ARHGAP24: variants seen among roughly 807,000 people sequenced by gnomAD.
The protein encoded by ARHGAP24 is rho GTPase-activating protein 24.
Under a neutral mutation model 76.4 loss-of-function variants are expected in ARHGAP24, and 50 were observed. That is an observed-to-expected ratio of 0.65 (90% CI 0.52 to 0.83). The LOEUF (loss-of-function observed/expected upper bound fraction) is 0.83, where lower values mean the gene tolerates loss of function less well. Among genes scored for constraint, ARHGAP24 ranks in the 40% least tolerant of loss-of-function variants. The probability of loss-of-function intolerance (pLI) is 0.00; values close to 1 mark genes in which losing one functional copy is unlikely to be tolerated. For missense variants in ARHGAP24, 930 were observed against 914.2 expected (o/e 1.02, Z -0.22); for synonymous variants, 345 against 323.3 (o/e 1.07, Z -0.72).
At chr4:85,991,806 G>T (rs1275030315) in intron 8 of ARHGAP24, 1 of 208,276 alleles carries the variant, frequency 4.8e-6, no homozygotes, top group Non-Finnish European at 9.5e-6. Flanking sequence ...GTGTCTTACA[G>T]ATATGTTCAA....
chr4:85,907,869 G>A (rs142390156), intron 3 of ARHGAP24, among the ~76,000 whole-genome samples: 9 of 152,236 alleles, frequency 5.9e-5, no homozygotes, highest in African/African-American at 1.4e-4. Flanking sequence ...CTCTAATAGT[G>A]GAGAGTTACT....
chr4:85,619,079 A>G lies in ARHGAP24; in HGVS notation c.180+48358A>G, dbSNP rs565697178. Among the ~76,000 whole-genome samples the G allele has an allele frequency of 7.2e-5, 11 of 152,172 alleles. No individual in the cohort carries two copies. In the South Asian group the frequency reaches 1.4e-3, roughly 20 times the overall value. ...GAGCTTTTCCCCTATGTTTTCTTCTAGTGGTTTTACAGTTTCAGGTCTTGC... is the reference window on the plus strand; with the variant it reads ...GAGCTTTTCCCCTATGTTTTCTTCTGGTGGTTTTACAGTTTCAGGTCTTGC... On this transcript the variant is annotated intron_variant, in intron 2 of 9. Coordinates refer to ENST00000395184, the MANE Select transcript of ARHGAP24 (RefSeq NM_001025616.3).
At chr4:85,705,143 C>T (rs774101175) in intron 2 of ARHGAP24, among the ~76,000 whole-genome samples, 18 of 151,874 alleles carry the variant, frequency 1.2e-4, no homozygotes, top group South Asian at 2.1e-4. Flanking sequence ...TTATGATCTA[C>T]CATTGTCTAT....
intron 2 of ARHGAP24, among the ~76,000 whole-genome samples, chr4:85,696,833 G>A (rs1234444938): frequency 6.6e-6 from 1 of 152,130 alleles, no homozygotes; most frequent in Admixed American, 6.5e-5. Context: ...TTATATGAAA[G>A]GACACCATGC....
intron 1 of ARHGAP24, among the ~76,000 whole-genome samples, chr4:85,483,138 T>C (rs1722881386): frequency 6.6e-6 from 1 of 152,198 alleles, no homozygotes; most frequent in African/African-American, 2.4e-5. Context: ...TGGCACCTGA[T>C]AAATATCAAT....
chr4:85,817,134 ATTAAG>A (rs567337622), intron 3 of ARHGAP24, among the ~76,000 whole-genome samples: 38 of 152,162 alleles, frequency 2.5e-4, no homozygotes, highest in South Asian at 4.1e-4. Context: ...TTTTCTCTTT[ATTAAG>A]TTGAGTCCCT....
At chr4:85,775,873 G>A (rs1727292071) in intron 3 of ARHGAP24, among the ~76,000 whole-genome samples, 1 of 152,124 alleles carries the variant, frequency 6.6e-6, no homozygotes, top group Admixed American at 6.6e-5. Context: ...GTAATCATGG[G>A]AAATTGTTCA....
chr4:85,867,382 A>G (rs1017761674), intron 3 of ARHGAP24, among the ~76,000 whole-genome samples: 1 of 152,196 alleles, frequency 6.6e-6, no homozygotes, highest in African/African-American at 2.4e-5. Flanking sequence ...GTCAAAAGTA[A>G]GAGAACATCA....
chr4:85,921,668 G>A (rs1237679890), intron 3 of ARHGAP24, among the ~76,000 whole-genome samples: 1 of 152,060 alleles, frequency 6.6e-6, no homozygotes, highest in Non-Finnish European at 1.5e-5. Context: ...TGCTTTTTCA[G>A]ATACGAGTTG....
In ARHGAP24 at chr4:85,736,106, A is replaced by G. The variant is rs144532471; in HGVS notation, c.268+14134A>G. On this transcript the variant is annotated intron_variant, in intron 3 of 9. Transcript: ENST00000395184. ...TCCTCCCATCATTCCAAGATTCATA[A>G]GATAACTACTATTCATCTCTCAAAT... 4.2e-3 allele frequency among the ~76,000 whole-genome samples: 644 copies of G among 152,300 alleles called. 5 individuals are homozygous for G. Among genetic ancestry groups the G allele is most frequent in the Non-Finnish European group, 6.5e-3 (441 of 68,018 alleles).
At chr4:85,518,572 C>A (rs982033791) in intron 1 of ARHGAP24, among the ~76,000 whole-genome samples, 3 of 151,998 alleles carry the variant, frequency 2.0e-5, no homozygotes, top group African/African-American at 7.2e-5. Flanking sequence ...TTTGCCTTTG[C>A]GTCCTCATAG....
intron 3 of ARHGAP24, among the ~76,000 whole-genome samples, chr4:85,813,780 TC>T (rs574802838): frequency 6.9e-6 from 1 of 145,856 alleles, no homozygotes; most frequent in Non-Finnish European, 1.5e-5. Flanking sequence ...AATTAGCATA[TC>T]CATCAACTTA....
intron 3 of ARHGAP24, among the ~76,000 whole-genome samples, chr4:85,791,488 G>A (rs1423973766): frequency 6.6e-6 from 1 of 152,148 alleles, no homozygotes; most frequent in Non-Finnish European, 1.5e-5. Context: ...CTTCTCTCCA[G>A]GCACGAAAGA....
chr4:85,809,193 C>T (rs1212813606), intron 3 of ARHGAP24, among the ~76,000 whole-genome samples: 1 of 152,148 alleles, frequency 6.6e-6, no homozygotes, highest in Non-Finnish European at 1.5e-5. Context: ...TCACTATAAA[C>T]ATTGATTGAC....
intron 3 of ARHGAP24, among the ~76,000 whole-genome samples, chr4:85,860,127 C>T (rs345358): frequency 0.95 from 144,897 of 152,098 alleles, 69,475 homozygotes; most frequent in East Asian, 1. Flanking sequence ...GTGCTTGCCA[C>T]GGGAAGTGTA....
At chr4:85,549,547 CAG>C (rs1394957896) in intron 1 of ARHGAP24, among the ~76,000 whole-genome samples, 1 of 152,016 alleles carries the variant, frequency 6.6e-6, no homozygotes, top group Non-Finnish European at 1.5e-5. Context: ...GTTTTTTTAA[CAG>C]ATATATGCTT....
At chr4:85,672,982 G>T (rs1251498612) in intron 2 of ARHGAP24, among the ~76,000 whole-genome samples, 1 of 152,128 alleles carries the variant, frequency 6.6e-6, no homozygotes, top group African/African-American at 2.4e-5. Flanking sequence ...ATTTCTTGTA[G>T]GTATTCAACT....
intron 1 of ARHGAP24, among the ~76,000 whole-genome samples, chr4:85,513,340 G>A (rs899143887): frequency 9.9e-5 from 15 of 152,232 alleles, no homozygotes; most frequent in African/African-American, 2.6e-4. Context: ...AAATCCTTTC[G>A]CTTTTGCTGC....
chr4:85,663,093 A>G (rs1255437132), intron 2 of ARHGAP24, among the ~76,000 whole-genome samples: 1 of 151,916 alleles, frequency 6.6e-6, no homozygotes, highest in African/African-American at 2.4e-5. Flanking sequence ...CATTGAATCT[A>G]TAAATTACCT....
Sources: gnomAD v4.1 joint callset for allele counts (sites outside exome capture counted in the v4.1 genomes callset) on GRCh38, gnomAD v4.1.1 for gene constraint, MANE v1.5 for transcripts, NCBI Gene and HGNC (gene_info 2026-07-23, HGNC 2026-07-21) for gene names.